The following IL1RAPL1 variants were observed in gnomAD, a reference collection of about 807,000 sequenced individuals.
The protein encoded by IL1RAPL1 is interleukin 1 receptor accessory protein like 1, also known as interleukin-1 receptor accessory protein-like 1.
In IL1RAPL1, 3 loss-of-function variants were observed where a neutral mutation model predicts 48.4. That is an observed-to-expected ratio of 0.06 (90% CI 0.03 to 0.16). IL1RAPL1 has a LOEUF of 0.16. Ranked by LOEUF, IL1RAPL1 falls within the 10% of genes least tolerant of loss-of-function variation. The pLI, the probability that IL1RAPL1 is intolerant of heterozygous loss-of-function variation, is 1.00. For synonymous variants in IL1RAPL1, 185 were observed against 187.7 expected, an observed-to-expected ratio of 0.99 and a Z score of 0.12; for missense variants, 349 against 530.6, an observed-to-expected ratio of 0.66 and a Z score of 3.36.
intron 2 of IL1RAPL1, among the ~76,000 whole-genome samples, chrX:29,226,766 CTG>C (rs1401057054): frequency 9.5e-6 from 1 of 104,796 alleles, no homozygotes; most frequent in African/African-American, 3.3e-5. Flanking sequence ...GAAAAAAAAA[CTG>C]TAATCAATTT....
At chrX:29,060,324 C>T (rs1450577467) in intron 2 of IL1RAPL1, among the ~76,000 whole-genome samples, 3 of 111,444 alleles carry the variant, frequency 2.7e-5, no homozygotes, top group African/African-American at 9.8e-5. Flanking sequence ...ACTTTTTAGC[C>T]CACAATTCCG....
intron 5 of IL1RAPL1, among the ~76,000 whole-genome samples, chrX:29,521,457 A>T (rs1935502348): frequency 8.9e-6 from 1 of 112,071 alleles, no homozygotes; most frequent in African/African-American, 3.2e-5. Flanking sequence ...TTAGTACCTC[A>T]GTCTTCTTGT....
Position 29,223,414 on chromosome X carries a change from A to G in IL1RAPL1, c.83-59524A>G, listed in dbSNP as rs183185832. Among the ~76,000 whole-genome samples the G allele has an allele frequency of 1.2e-3, 139 of 111,695 alleles. 2 individuals carry two copies. Among genetic ancestry groups the G allele is most frequent in the African/African-American group, 4.3e-3 (133 of 30,778 alleles). On this transcript the variant is annotated intron_variant, in intron 2 of 10. Coordinates refer to ENST00000378993, the MANE Select transcript of IL1RAPL1 (RefSeq NM_014271.4). ...GAAGTTACAAATATTTTCTTATTAT[A>G]TTATGGTTTTTGTAGGTTTCTCAGA...
At chrX:29,049,395 T>C (rs1002546745) in intron 2 of IL1RAPL1, among the ~76,000 whole-genome samples, 2 of 112,488 alleles carry the variant, frequency 1.8e-5, no homozygotes, top group African/African-American at 6.4e-5. Flanking sequence ...ACAATAGCCC[T>C]AAGTTTTAAT....
chrX:29,698,088 T>C (rs1434382375), intron 6 of IL1RAPL1, among the ~76,000 whole-genome samples: 2 of 110,717 alleles, frequency 1.8e-5, no homozygotes, highest in Non-Finnish European at 3.8e-5. Flanking sequence ...CCATCTTTTC[T>C]AAGCTCCAAG....
intron 2 of IL1RAPL1, among the ~76,000 whole-genome samples, chrX:28,940,371 T>G (rs1236447824): frequency 9.0e-6 from 1 of 111,455 alleles, no homozygotes; most frequent in Non-Finnish European, 1.9e-5. Context: ...GAAACTGATT[T>G]GAATTGATTT....
intron 2 of IL1RAPL1, among the ~76,000 whole-genome samples, chrX:29,007,686 G>A (rs1926016327): frequency 9.0e-6 from 1 of 111,464 alleles, no homozygotes; most frequent in Non-Finnish European, 1.9e-5. Context: ...AAATGGAGGG[G>A]ACATGCTAAG....
intron 2 of IL1RAPL1, among the ~76,000 whole-genome samples, chrX:29,064,960 T>A (rs748133262): frequency 8.9e-6 from 1 of 111,888 alleles, no homozygotes; most frequent in African/African-American, 3.3e-5. Flanking sequence ...TATTTGCTCC[T>A]GAGGATATGA....
At chrX:29,340,292 C>T (rs964500134) in intron 3 of IL1RAPL1, among the ~76,000 whole-genome samples, 2 of 111,104 alleles carry the variant, frequency 1.8e-5, no homozygotes, top group African/African-American at 6.6e-5. Flanking sequence ...TTTCATCTAC[C>T]CAGGAGAAGT....
chrX:29,592,270 CTG>C (rs1308008287), intron 5 of IL1RAPL1, among the ~76,000 whole-genome samples: 3 of 111,734 alleles, frequency 2.7e-5, no homozygotes, highest in African/African-American at 6.5e-5. Flanking sequence ...GTTGTATCAT[CTG>C]TGAATGAGAT....
intron 2 of IL1RAPL1, among the ~76,000 whole-genome samples, chrX:29,030,752 C>A (rs1269365344): frequency 9.0e-6 from 1 of 110,924 alleles, no homozygotes; most frequent in Non-Finnish European, 1.9e-5. Flanking sequence ...AGAAATACTC[C>A]TATTTGAAGA....
At chrX:29,231,245 G>A (rs778764507) in intron 2 of IL1RAPL1, among the ~76,000 whole-genome samples, 2 of 111,063 alleles carry the variant, frequency 1.8e-5, no homozygotes, top group South Asian at 7.8e-4. Context: ...GGCCAGTGAT[G>A]TATGGCCTGA....
chrX:29,002,539 C>G (rs1339439562), intron 2 of IL1RAPL1, among the ~76,000 whole-genome samples: 1 of 103,548 alleles, frequency 9.7e-6, no homozygotes, highest in Non-Finnish European at 2.0e-5. Context: ...TTTTTTAAAG[C>G]CAAAATTAAA....
At chrX:29,687,578 G>A (rs1375885467) in intron 6 of IL1RAPL1, among the ~76,000 whole-genome samples, 1 of 111,655 alleles carries the variant, frequency 9.0e-6, no homozygotes, top group African/African-American at 3.3e-5. Flanking sequence ...AATAAGTTCT[G>A]GTGGTCTGTT....
intron 2 of IL1RAPL1, among the ~76,000 whole-genome samples, chrX:29,002,043 A>C (rs941015670): frequency 1.0e-4 from 11 of 109,066 alleles, no homozygotes; most frequent in African/African-American, 3.7e-4. Flanking sequence ...TTACAGGTGC[A>C]TGCCACTATG....
intron 5 of IL1RAPL1, among the ~76,000 whole-genome samples, chrX:29,460,224 A>C (rs1325379104): frequency 8.9e-6 from 1 of 112,163 alleles, no homozygotes; most frequent in Non-Finnish European, 1.9e-5. Context: ...CAGTGCTTCA[A>C]GCCGCCTTAA....
intron 1 of IL1RAPL1, among the ~76,000 whole-genome samples, chrX:28,649,713 G>A (rs924206376): frequency 2.7e-5 from 3 of 112,373 alleles, no homozygotes; most frequent in African/African-American, 6.5e-5. Context: ...ATAGGAAGCC[G>A]AATGAGACTC....
chrX:29,295,193 T>TAA (rs1932431442), intron 3 of IL1RAPL1, among the ~76,000 whole-genome samples: 1 of 111,997 alleles, frequency 8.9e-6, no homozygotes, highest in African/African-American at 3.2e-5. Flanking sequence ...TGGATGTTGC[T>TAA]ATGGGAAATA....
intron 1 of IL1RAPL1, among the ~76,000 whole-genome samples, chrX:28,678,148 A>G (rs1935019524): frequency 9.0e-6 from 1 of 111,556 alleles, no homozygotes; most frequent in Admixed American, 9.6e-5. Context: ...TTTGGGCCGG[A>G]TGAAGGAGTT....
Sources: allele counts gnomAD v4.1 joint callset (sites outside exome capture counted in the v4.1 genomes callset), GRCh38; gene constraint gnomAD v4.1.1; transcripts MANE v1.5; gene names NCBI Gene and HGNC (gene_info 2026-07-23, HGNC 2026-07-21).